The following ZFHX3 variants were observed in gnomAD, a reference collection of about 807,000 sequenced individuals.
The protein encoded by ZFHX3 is zinc finger homeobox protein 3.
ZFHX3 carries 42 observed loss-of-function variants against 279.1 expected under a neutral mutation model. That is an observed-to-expected ratio of 0.15 (90% CI 0.12 to 0.19). The LOEUF (loss-of-function observed/expected upper bound fraction) is 0.19, where lower values mean the gene tolerates loss of function less well. Among genes scored for constraint, ZFHX3 ranks in the 10% least tolerant of loss-of-function variants. The probability of loss-of-function intolerance (pLI) is 1.00; values close to 1 mark genes in which losing one functional copy is unlikely to be tolerated. For synonymous variants in ZFHX3, 2,293 were observed against 1,957.8 expected (o/e 1.17, Z -4.52); for missense variants, 4,981 against 4,754.0 (o/e 1.05, Z -1.40).
intron 1 of ZFHX3, among the ~76,000 whole-genome samples, chr16:73,058,041 C>G (rs1018467909): frequency 6.9e-6 from 1 of 145,956 alleles, no homozygotes; most frequent in African/African-American, 2.5e-5. Context: ...ATACTCCCCC[C>G]ACCGCCGGCC....
chr16:72,806,814 A>G (rs1250923805), intron 7 of ZFHX3, among the ~76,000 whole-genome samples: 2 of 152,214 alleles, frequency 1.3e-5, no homozygotes, highest in East Asian at 3.8e-4. Flanking sequence ...CAAAAAATAC[A>G]GAATAATTAA....
chr16:72,957,959 C>T lies in ZFHX3; in HGVS notation c.2187G>A (p.Glu729=), dbSNP rs768531141. ...YTCGYKPFRC[E]VCNYSTTTKG... ...TGGTAGTTGTGGAGTAGTTACACAC[C>T]TCGCAGCGGAAAGGCTTGTAACCAC... The change falls in exon 2 of 10, where the codon GAG becomes GAA. Residue 729 remains glutamate, a synonymous_variant. Coordinates refer to ENST00000268489, the MANE Select transcript of ZFHX3 (RefSeq NM_006885.4). The T allele has an allele frequency of 2.5e-6, 4 of 1,614,136 alleles. No individual in the cohort carries two copies. Among genetic ancestry groups the T allele is most frequent in the East Asian group, 4.5e-5 (2 of 44,868 alleles).
chr16:73,161,075 C>T (rs975820879), intron 5 of ZFHX3, among the ~76,000 whole-genome samples: 3 of 152,092 alleles, frequency 2.0e-5, no homozygotes, highest in Non-Finnish European at 4.4e-5. Context: ...CAGGCTCAAG[C>T]GATTCTCCTG....
intron 4 of ZFHX3, among the ~76,000 whole-genome samples, chr16:73,295,595 G>A (rs1389347492): frequency 6.6e-6 from 1 of 152,198 alleles, no homozygotes; most frequent in East Asian, 1.9e-4. Context: ...TTGTAGAACT[G>A]GGTAAGAACG....
At chr16:73,779,667 G>C (rs1408254369) in intron 1 of ZFHX3, among the ~76,000 whole-genome samples, 1 of 152,196 alleles carries the variant, frequency 6.6e-6, no homozygotes, top group East Asian at 1.9e-4. Flanking sequence ...GCAGAAATGC[G>C]TTATGCTCCC....
At chr16:73,448,745 C>T (rs2018234880) in intron 3 of ZFHX3, among the ~76,000 whole-genome samples, 1 of 146,564 alleles carries the variant, frequency 6.8e-6, no homozygotes, top group Admixed American at 6.8e-5. Context: ...AAGGCACATT[C>T]ATTTTTTCCT....
At chr16:72,955,291 T>A (rs1028000982) in intron 2 of ZFHX3, among the ~76,000 whole-genome samples, 4 of 152,170 alleles carry the variant, frequency 2.6e-5, no homozygotes, top group African/African-American at 9.7e-5. Context: ...AGAGCTCCAG[T>A]CTAAGAAATA....
intron 4 of ZFHX3, among the ~76,000 whole-genome samples, chr16:73,273,471 T>C (rs905970485): frequency 1.7e-4 from 26 of 152,198 alleles, no homozygotes; most frequent in African/African-American, 5.8e-4. Context: ...GTATTTTCCA[T>C]GCATATACCA....
At chr16:73,641,742 G>A (rs192681889) in intron 2 of ZFHX3, among the ~76,000 whole-genome samples, 1 of 152,248 alleles carries the variant, frequency 6.6e-6, no homozygotes, top group African/African-American at 2.4e-5. Flanking sequence ...ATGGAAAACA[G>A]CCTCCTTTGG....
At chr16:73,582,394 T>C (rs897366848) in intron 2 of ZFHX3, among the ~76,000 whole-genome samples, 1 of 151,898 alleles carries the variant, frequency 6.6e-6, no homozygotes, top group Non-Finnish European at 1.5e-5. Flanking sequence ...TAACATCTCA[T>C]TGCTACATAC....
intron 7 of ZFHX3, among the ~76,000 whole-genome samples, chr16:73,114,550 A>G (rs1422040465): frequency 6.6e-6 from 1 of 151,946 alleles, no homozygotes; most frequent in Non-Finnish European, 1.5e-5. Context: ...ATGGTGGCAC[A>G]TGCCTGCAGT....
intron 4 of ZFHX3, among the ~76,000 whole-genome samples, chr16:72,852,328 G>A (rs770752499): frequency 1.2e-4 from 18 of 152,092 alleles, no homozygotes; most frequent in African/African-American, 3.9e-4. Flanking sequence ...AGAGGGCTCC[G>A]CTAATAAAAT....
intron 5 of ZFHX3, among the ~76,000 whole-genome samples, chr16:73,240,201 A>G (rs959946814): frequency 6.6e-6 from 1 of 151,574 alleles, no homozygotes; most frequent in Non-Finnish European, 1.5e-5. Context: ...GTACTTTTGC[A>G]TCATGCTTGC....
intron 2 of ZFHX3, among the ~76,000 whole-genome samples, chr16:73,544,562 C>T (rs2020077480): frequency 6.6e-6 from 1 of 152,020 alleles, no homozygotes; most frequent in African/African-American, 2.4e-5. Context: ...GGGGCAAACC[C>T]CAGAAACCTC....
At chr16:73,101,524 A>G (rs1966230103) in intron 7 of ZFHX3, among the ~76,000 whole-genome samples, 1 of 152,088 alleles carries the variant, frequency 6.6e-6, no homozygotes, top group African/African-American at 2.4e-5. Context: ...GACAACAGGC[A>G]AGCGCCACCA....
intron 1 of ZFHX3, among the ~76,000 whole-genome samples, chr16:73,006,618 AAAAG>A (rs1963709537): frequency 6.7e-6 from 1 of 150,082 alleles, no homozygotes; most frequent in Non-Finnish European, 1.5e-5. Context: ...ACAAAGAAAG[AAAAG>A]AAAGAAAAGA....
chr16:73,228,546 C>T (rs1189684332), intron 5 of ZFHX3, among the ~76,000 whole-genome samples: 1 of 152,048 alleles, frequency 6.6e-6, no homozygotes, highest in Non-Finnish European at 1.5e-5. Context: ...GCCTGTATTC[C>T]CAGCTACTTG....
intron 2 of ZFHX3, among the ~76,000 whole-genome samples, chr16:73,598,656 G>A (rs979496778): frequency 6.6e-6 from 1 of 152,038 alleles, no homozygotes; most frequent in Non-Finnish European, 1.5e-5. Context: ...CTGAGCTCAA[G>A]CAATCTTCCC....
chr16:73,206,951 G>C (rs1026115550), intron 5 of ZFHX3, among the ~76,000 whole-genome samples: 1 of 151,948 alleles, frequency 6.6e-6, no homozygotes, highest in Admixed American at 6.6e-5. Flanking sequence ...CTGAGAGGTG[G>C]AGGTTGCAGT....
Sources: gnomAD v4.1 joint callset for allele counts (sites outside exome capture counted in the v4.1 genomes callset) on GRCh38, gnomAD v4.1.1 for gene constraint, MANE v1.5 for transcripts, NCBI Gene and HGNC (gene_info 2026-07-23, HGNC 2026-07-21) for gene names.